CREB5: variants seen among roughly 807,000 people sequenced by gnomAD.
CREB5 encodes the protein cyclic AMP-responsive element-binding protein 5.
Under a neutral mutation model 57.1 loss-of-function variants are expected in CREB5, and 19 were observed. The ratio of observed to expected loss-of-function variants is 0.33; its 90% CI spans 0.23 to 0.49. The LOEUF (loss-of-function observed/expected upper bound fraction) is 0.49. CREB5 is among the 20% of genes least tolerant of loss of function. The pLI, the probability that CREB5 is intolerant of heterozygous loss-of-function variation, is 0.99. For synonymous variants in CREB5, 238 were observed against 238.3 expected, an observed-to-expected ratio of 1.00 and a Z score of 0.01; for missense variants, 579 against 671.6, an observed-to-expected ratio of 0.86 and a Z score of 1.52.
chr7:28,611,382 T>C (rs1797377273), intron 5 of CREB5, among the ~76,000 whole-genome samples: 1 of 149,072 alleles, frequency 6.7e-6, no homozygotes, highest in South Asian at 2.1e-4. Flanking sequence ...CCGGGCACAG[T>C]GGCTCACACC....
intron 5 of CREB5, among the ~76,000 whole-genome samples, chr7:28,654,300 G>A (rs1034732603): frequency 7.9e-5 from 12 of 152,160 alleles, no homozygotes; most frequent in African/African-American, 2.7e-4. Flanking sequence ...GACACCACTC[G>A]AACAGCTGGG....
At chr7:28,666,668 A>C (rs1799836968) in intron 5 of CREB5, among the ~76,000 whole-genome samples, 1 of 152,170 alleles carries the variant, frequency 6.6e-6, no homozygotes, top group Non-Finnish European at 1.5e-5. Flanking sequence ...CCACTTCAAC[A>C]AACTTTGTCA....
intron 7 of CREB5, among the ~76,000 whole-genome samples, chr7:28,751,279 C>T (rs1804961953): frequency 6.6e-6 from 1 of 152,172 alleles, no homozygotes; most frequent in South Asian, 2.1e-4. Context: ...CCATCCCCAG[C>T]ATTCAAAGAA....
rs111779102 is a variant in CREB5, at chr7:28,372,587, A to G, written c.-25+73146A>G. Among the ~76,000 whole-genome samples, 160 of 152,334 alleles carry G rather than the reference A, an allele frequency of 1.1e-3. 2 individuals are homozygous for G. Among genetic ancestry groups the G allele is most frequent in the African/African-American group, 3.8e-3 (157 of 41,570 alleles). ...TTTATGATGCTTATATTTAACTGGG[A>G]CGATAGTGTTATTGCTCTTATTTCT... On this transcript the variant is annotated intron_variant, in intron 1 of 9. Coordinates refer to the CREB5 transcript ENST00000396299.
chr7:28,424,759 A>G (rs1312410502), intron 1 of CREB5, among the ~76,000 whole-genome samples: 4 of 152,246 alleles, frequency 2.6e-5, no homozygotes, highest in African/African-American at 7.2e-5. Flanking sequence ...TTTACTGACA[A>G]GGACAAAAAT....
At chr7:28,454,891 C>T (rs192778003) in intron 1 of CREB5, among the ~76,000 whole-genome samples, 5 of 152,246 alleles carry the variant, frequency 3.3e-5, no homozygotes, top group South Asian at 2.1e-4. Context: ...TACTGGTACC[C>T]GCTTCCACAT....
At chr7:28,693,126 CTG>C (rs1801361857) in intron 5 of CREB5, among the ~76,000 whole-genome samples, 1 of 152,180 alleles carries the variant, frequency 6.6e-6, no homozygotes, top group Non-Finnish European at 1.5e-5. Context: ...TACCAAAAAA[CTG>C]AATTCTGCTT....
At chr7:28,641,055 C>T (rs1313221361) in intron 5 of CREB5, among the ~76,000 whole-genome samples, 3 of 152,148 alleles carry the variant, frequency 2.0e-5, no homozygotes, top group Non-Finnish European at 4.4e-5. Context: ...CCCACAATGA[C>T]CCCTTCATCT....
chr7:28,577,070 T>C (rs1562807627), intron 5 of CREB5, among the ~76,000 whole-genome samples: 1 of 152,312 alleles, frequency 6.6e-6, no homozygotes, highest in East Asian at 1.9e-4. Context: ...AAAAGCATTG[T>C]CATGGGTTCA....
At chr7:28,744,340 C>CTTT (rs753167682) in intron 7 of CREB5, among the ~76,000 whole-genome samples, 8 of 88,786 alleles carry the variant, frequency 9.0e-5, no homozygotes, top group African/African-American at 1.4e-4. Flanking sequence ...TTTAGTACCT[C>CTTT]TTTTTTTTTT....
At chr7:28,322,523 C>T (rs1785511306) in intron 1 of CREB5, among the ~76,000 whole-genome samples, 1 of 152,132 alleles carries the variant, frequency 6.6e-6, no homozygotes, top group Admixed American at 6.5e-5. Context: ...TGGTTTGTTG[C>T]ACCTATCAAC....
intron 1 of CREB5, among the ~76,000 whole-genome samples, chr7:28,342,293 G>C (rs1785952213): frequency 6.6e-6 from 1 of 152,190 alleles, no homozygotes; most frequent in Non-Finnish European, 1.5e-5. Flanking sequence ...TGGAAGGATA[G>C]ATGAGGGTTA....
At chr7:28,350,422 T>A (rs566207604) in intron 1 of CREB5, among the ~76,000 whole-genome samples, 1 of 152,088 alleles carries the variant, frequency 6.6e-6, no homozygotes, top group Non-Finnish European at 1.5e-5. Flanking sequence ...ATTTTTATCA[T>A]GTGATGTGGG....
chr7:28,477,365 T>G (rs370795373), intron 1 of CREB5, among the ~76,000 whole-genome samples: 7 of 152,188 alleles, frequency 4.6e-5, no homozygotes, highest in African/African-American at 1.4e-4. Flanking sequence ...TCCCCTTTTT[T>G]CTTTCCCTTT....
chr7:28,792,939 AC>A (rs1427587114), intron 7 of CREB5, among the ~76,000 whole-genome samples: 3 of 152,192 alleles, frequency 2.0e-5, no homozygotes, highest in African/African-American at 4.8e-5. Context: ...CAGACCATTC[AC>A]AGGCAGACCT....
At chr7:28,359,529 G>A (rs539901220) in intron 1 of CREB5, among the ~76,000 whole-genome samples, 2 of 152,152 alleles carry the variant, frequency 1.3e-5, no homozygotes, top group Non-Finnish European at 2.9e-5. Flanking sequence ...ACAGAAGAAC[G>A]AAATTGAACT....
chr7:28,365,713 C>T (rs1488878075), intron 1 of CREB5, among the ~76,000 whole-genome samples: 1 of 152,224 alleles, frequency 6.6e-6, no homozygotes, highest in African/African-American at 2.4e-5. Context: ...TCGCCCATGA[C>T]CTGTCTGTTG....
At chr7:28,481,170 A>C (rs903520285) in intron 1 of CREB5, among the ~76,000 whole-genome samples, 10 of 152,264 alleles carry the variant, frequency 6.6e-5, no homozygotes, top group African/African-American at 2.4e-4. Flanking sequence ...TCCAGAGACA[A>C]AAGCTGTTTG....
chr7:28,618,356 A>G (rs547389033), intron 5 of CREB5, among the ~76,000 whole-genome samples: 24 of 152,042 alleles, frequency 1.6e-4, no homozygotes, highest in Non-Finnish European at 3.5e-4. Flanking sequence ...CACCAACTGC[A>G]CTCCTCCTGA....
Sources: allele counts gnomAD v4.1 joint callset (sites outside exome capture counted in the v4.1 genomes callset), GRCh38; gene constraint gnomAD v4.1.1; transcripts MANE v1.5; gene names NCBI Gene and HGNC (gene_info 2026-07-23, HGNC 2026-07-21).